NFIB: variants seen among roughly 807,000 people sequenced by gnomAD.
NFIB encodes nuclear factor I B.
Under a neutral mutation model 61.5 loss-of-function variants are expected in NFIB, and 11 were observed. That is an observed-to-expected ratio of 0.18 (90% CI 0.11 to 0.30). NFIB has a LOEUF of 0.30. Ranked by LOEUF, NFIB falls within the 10% of genes least tolerant of loss-of-function variation. The pLI is 1.00. For missense variants in NFIB, 471 were observed against 608.9 expected (o/e 0.77, Z 2.38); for synonymous variants, 260 against 216.5 (o/e 1.20, Z -1.76).
At position 14,116,270 on chromosome 9, in the gene NFIB, C is replaced by G; in HGVS notation, c.1322G>C (p.Ser441Thr). The change falls in exon 9 of 11, where the codon AGT becomes ACT. Residue 441 changes from serine (S) to threonine (T), a missense_variant. By Grantham distance (58) the Ser-to-Thr change is moderately conservative (BLOSUM62 1). This residue lies in a region of NFIB where 372 missense variants were observed against 395.6 expected (regional missense o/e 0.94). Coordinates refer to ENST00000380953, the MANE Select transcript of NFIB (RefSeq NM_001190737.2). ...TPVLAPSPHP[S>T]AVRPVTLSMT... ...GCTCAGGGTCACAGGTCGCACTGCA[C>G]TGGGATGGGGAGAGGGTGCCAAGAC... 6.5e-7 allele frequency: 1 copy of G among 1,537,876 alleles called. No individual in the cohort carries two copies. Among genetic ancestry groups the G allele is most frequent in the Non-Finnish European group, 8.8e-7 (1 of 1,139,994 alleles).
chr9:14,155,312 T>C (rs1023301104), intron 4 of NFIB, among the ~76,000 whole-genome samples: 4 of 152,176 alleles, frequency 2.6e-5, no homozygotes, highest in African/African-American at 4.8e-5. Flanking sequence ...GTTAAAACAA[T>C]TGGACATTGT....
chr9:14,089,231 G>C (rs1279371402), intron 10 of NFIB, among the ~76,000 whole-genome samples: 1 of 151,980 alleles, frequency 6.6e-6, no homozygotes, highest in Non-Finnish European at 1.5e-5. Context: ...CCACATTTGA[G>C]CTGCTCTGCA....
At chr9:14,421,779 G>T in the NFIB span, among the ~76,000 whole-genome samples, 1 of 152,144 alleles carries the variant, frequency 6.6e-6, no homozygotes, top group Non-Finnish European at 1.5e-5. Flanking sequence ...CAATGAAAGT[G>T]CATATTCTTT....
intron 2 of NFIB, among the ~76,000 whole-genome samples, chr9:14,216,534 CTCTCTCTCCCTCTGTGTGTGTGTGTGTG>C (rs1190337046): frequency 0.01 from 351 of 34,514 alleles, 1 homozygote; most frequent in African/African-American, 0.032. Context: ...CTCTCTCTCT[CTCTCTCTCCCTCTGTGTGTGTGTGTGTG>C]TGTGTGTGTG....
rs745329834 is a variant in NFIB, at chr9:14,088,141, CTTTTT to C, written c.*163_*167del. On this transcript the variant is annotated 3_prime_UTR_variant, in exon 11 of 11. Transcript: ENST00000380953. ...TGTTTTGTCCAGTCTTCCTCTTTTC[CTTTTT>C]TTTTATTTAAAAAAAAAATTTCTTA... 7.2e-5 allele frequency: 97 copies of C among 1,354,168 alleles called. No individual in the cohort carries two copies. Among genetic ancestry groups the C allele is most frequent in the Non-Finnish European group, 8.4e-5 (86 of 1,029,202 alleles). 83.9% of individuals were successfully genotyped at this position (1,354,168 alleles called of 1,614,324 possible).
At chr9:14,332,579 G>C (rs1169702373) in intron 1 of NFIB, among the ~76,000 whole-genome samples, 2 of 152,178 alleles carry the variant, frequency 1.3e-5, no homozygotes, top group Non-Finnish European at 2.9e-5. Context: ...CGGGAGCAGT[G>C]AGGACCGGAG....
At chr9:14,247,243 G>A (rs1188978027) in intron 2 of NFIB, among the ~76,000 whole-genome samples, 2 of 152,188 alleles carry the variant, frequency 1.3e-5, no homozygotes, top group African/African-American at 4.8e-5. Context: ...CAATTAAGTG[G>A]TGAGACTGTC....
At position 14,313,953 on chromosome 9, in the gene NFIB, GGGGCGCGGGA is replaced by G. The variant is rs1323719016; in HGVS notation, c.-452_-443del. The G allele has an allele frequency of 1.9e-6, 2 of 1,064,830 alleles. No homozygotes were observed. Among genetic ancestry groups the G allele is most frequent in the South Asian group, 4.5e-5 (1 of 22,130 alleles). 66.0% of individuals were successfully genotyped at this position (1,064,830 alleles called of 1,614,324 possible). ...TGCTTTTTCAAAAAAGGCGGGGAGGGGGGCGCGGGAGGGCGCAGGAGGGCGAGCGGGCGGG... is the reference window on the plus strand; with the variant it reads ...TGCTTTTTCAAAAAAGGCGGGGAGGGGGGCGCAGGAGGGCGAGCGGGCGGG... On this transcript the variant is annotated 5_prime_UTR_variant, in exon 1 of 11. Coordinates refer to ENST00000380953, the MANE Select transcript of NFIB (RefSeq NM_001190737.2). The surrounding 1 kb of genome is among the most constrained non-coding windows in gnomAD (Gnocchi z 4.5).
the NFIB span, among the ~76,000 whole-genome samples, chr9:14,419,344 T>C: frequency 1.3e-5 from 2 of 150,248 alleles, no homozygotes; most frequent in African/African-American, 2.4e-5. Context: ...AAAAGCAGAC[T>C]TGAAGTGAGC....
the NFIB span, among the ~76,000 whole-genome samples, chr9:14,514,971 G>A: frequency 6.6e-6 from 1 of 152,028 alleles, no homozygotes; most frequent in Non-Finnish European, 1.5e-5. Flanking sequence ...CAACAGAAAC[G>A]GCATACTTAA....
At chr9:14,509,552 T>C in the NFIB span, among the ~76,000 whole-genome samples, 1 of 152,230 alleles carries the variant, frequency 6.6e-6, no homozygotes, top group Non-Finnish European at 1.5e-5. Context: ...CCAACAAACC[T>C]GGCAAGTTTC....
At chr9:14,425,607 ATTT>A in the NFIB span, among the ~76,000 whole-genome samples, 3,122 of 99,124 alleles carry the variant, frequency 0.031, 45 homozygotes, top group African/African-American at 0.092. Context: ...TTGCTACATA[ATTT>A]TTTTTTTTTT....
At chr9:14,357,798 C>T (rs1198987153) in intron 1 of NFIB, 1 of 152,152 alleles carries the variant, frequency 6.6e-6, no homozygotes, top group Admixed American at 6.5e-5. Context: ...TAATGGAATG[C>T]TATTTGGTGA....
At chr9:14,224,096 G>A (rs2052049380) in intron 2 of NFIB, among the ~76,000 whole-genome samples, 1 of 152,134 alleles carries the variant, frequency 6.6e-6, no homozygotes, top group Non-Finnish European at 1.5e-5. Flanking sequence ...ACGCCTTCCA[G>A]TCCCCACACT....
At chr9:14,203,034 C>A (rs10733275) in intron 2 of NFIB, among the ~76,000 whole-genome samples, 151,540 of 152,350 alleles carry the variant, frequency 0.99, 75,371 homozygotes, top group Middle Eastern at 1. Context: ...AGTCTCATGC[C>A]TTGCAGGGGA....
intron 2 of NFIB, among the ~76,000 whole-genome samples, chr9:14,199,968 G>A (rs1161029480): frequency 6.6e-6 from 1 of 152,140 alleles, no homozygotes; most frequent in Non-Finnish European, 1.5e-5. Flanking sequence ...GAATCACGCA[G>A]GGAGAACAGG....
Position 14,088,231 on chromosome 9 carries a change from C to G in NFIB, c.*78G>C, listed in dbSNP as rs771800146. 9 of 1,566,310 alleles carry G rather than the reference C, an allele frequency of 5.7e-6. No homozygotes were observed. In the South Asian group the frequency reaches 8.3e-5, roughly 14 times the overall value. On this transcript the variant is annotated 3_prime_UTR_variant, in exon 11 of 11. Coordinates refer to ENST00000380953, the MANE Select transcript of NFIB (RefSeq NM_001190737.2). ...TGTTTCTGCTTGAAGGAAAGGTTCTCCAATTATGTTCAAACCGTAATTTTG... is the reference window on the plus strand; with the variant it reads ...TGTTTCTGCTTGAAGGAAAGGTTCTGCAATTATGTTCAAACCGTAATTTTG...
intron 6 of NFIB, among the ~76,000 whole-genome samples, chr9:14,139,065 A>G (rs1488022241): frequency 2.0e-5 from 3 of 152,152 alleles, no homozygotes; most frequent in Non-Finnish European, 4.4e-5. Context: ...TCCCTCTGGG[A>G]AGACTTGCGA....
chr9:14,202,083 G>A (rs946435456), intron 2 of NFIB, among the ~76,000 whole-genome samples: 1 of 148,496 alleles, frequency 6.7e-6, no homozygotes, highest in African/African-American at 2.5e-5. Context: ...TTACAAATAA[G>A]CAGAATCTGT....
Sources: allele counts gnomAD v4.1 joint callset (sites outside exome capture counted in the v4.1 genomes callset), GRCh38; gene constraint gnomAD v4.1.1; regional missense constraint gnomAD v4.1.1; non-coding constraint Gnocchi (gnomAD v3.1); transcripts MANE v1.5; gene names NCBI Gene and HGNC (gene_info 2026-07-23, HGNC 2026-07-21).